Variants in FREM2 observed in about 807,000 individuals in gnomAD.
FREM2 encodes the protein FRAS1 related extracellular matrix 2, also known as FRAS1-related extracellular matrix protein 2.
Under a neutral mutation model 219.9 loss-of-function variants are expected in FREM2, and 119 were observed. The ratio of observed to expected loss-of-function variants is 0.54; its 90% confidence interval spans 0.47 to 0.63. The LOEUF is 0.63. FREM2 is among the 30% of genes least tolerant of loss of function. The pLI is 0.00. For missense variants in FREM2, 4,030 were observed against 3,993.6 expected (o/e 1.01, Z -0.25); for synonymous variants, 1,562 against 1,522.8 (o/e 1.03, Z -0.60).
At position 38,876,272 on chromosome 13, in the gene FREM2, A is replaced by G; in HGVS notation, c.8434A>G (p.Thr2812Ala). The change falls in exon 20 of 24, where the codon ACT (threonine) becomes GCT (alanine). Residue 2812 changes from threonine (T) to alanine (A), a missense_variant. Physicochemically the swap from Thr to Ala is moderately conservative, Grantham distance 58. Around this residue, in one of 2 missense-constraint regions of FREM2, gnomAD observed 928 missense variants for 1,042.9 expected, o/e 0.89. Coordinates refer to ENST00000280481, the MANE Select transcript of FREM2 (RefSeq NM_207361.6). ...GGTACGTGACTACTCAGGGACCTAT[A>G]CTGTGAAGCTGGTGCCATGCACTGC... ...FAVRDYSGTY[T>A]VKLVPCTAPS... The G allele has an allele frequency of 6.2e-7, 1 of 1,614,174 alleles. No individual in the cohort carries two copies. The highest frequency in any genetic ancestry group is 8.5e-7 in the Non-Finnish European group (1 of 1,180,016).
chr13:38,775,861 C>T (rs546064498), intron 4 of FREM2, among the ~76,000 whole-genome samples: 5 of 152,238 alleles, frequency 3.3e-5, no homozygotes, highest in Admixed American at 6.5e-5. Context: ...TCAAGTGATC[C>T]GCCTGCCTTG....
rs191513198 is a variant in FREM2 at position 38,804,715 on chromosome 13, A to G, written c.6019+19907A>G. 5.2e-4 allele frequency among the ~76,000 whole-genome samples: 79 copies of G among 152,274 alleles called. 1 individual carries two copies. In the East Asian group the frequency reaches 0.015, roughly 28 times the overall value. On this transcript the variant is annotated intron_variant, in intron 6 of 23. Coordinates refer to ENST00000280481, the MANE Select transcript of FREM2 (RefSeq NM_207361.6). Reference sequence around the variant, plus strand: ...ATGAAGCATTTAAAAGATGAAAAGGATGTAGATGAATGAAGAATAAGGCTA... The same window carrying G: ...ATGAAGCATTTAAAAGATGAAAAGGGTGTAGATGAATGAAGAATAAGGCTA...
At chr13:38,768,469 G>A (rs1186914342) in intron 3 of FREM2, among the ~76,000 whole-genome samples, 1 of 151,928 alleles carries the variant, frequency 6.6e-6, no homozygotes, top group African/African-American at 2.4e-5. Flanking sequence ...TAGAGATGGG[G>A]TTTCACCATG....
chr13:38,841,176 A>T (rs1876948427), intron 6 of FREM2, among the ~76,000 whole-genome samples: 1 of 152,206 alleles, frequency 6.6e-6, no homozygotes. Flanking sequence ...GGATGAAATA[A>T]GGTACTGAAT....
chr13:38,696,422 A>G (rs1593349013), intron 1 of FREM2, among the ~76,000 whole-genome samples: 1 of 152,196 alleles, frequency 6.6e-6, no homozygotes. Context: ...CTTCTTTATA[A>G]GCCTTTGAAT....
At chr13:38,830,187 G>A (rs1326191070) in intron 6 of FREM2, among the ~76,000 whole-genome samples, 1 of 152,142 alleles carries the variant, frequency 6.6e-6, no homozygotes, top group Non-Finnish European at 1.5e-5. Context: ...ACAAACGAAA[G>A]TGAGGAAAAT....
rs763205800 is a variant in FREM2, at chr13:38,688,117, C to G, written c.773C>G (p.Ala258Gly). 1 of 1,613,234 alleles carries G rather than the reference C, an allele frequency of 6.2e-7. No individual in the cohort carries two copies. The highest frequency in any genetic ancestry group is 1.3e-5 in the African/African-American group (1 of 74,948). The change falls in exon 1 of 24, where the codon GCT becomes GGT. Residue 258 changes from alanine to glycine, a missense_variant. By Grantham distance (60) the Ala-to-Gly change is moderately conservative. Coordinates refer to ENST00000280481, the MANE Select transcript of FREM2 (RefSeq NM_207361.6). ...APETLLMDCK[A>G]FQELGVRYRH... ...GAGACTCTCCTGATGGACTGCAAAG[C>G]TTTCCAGGAACTAGGCGTGCGCTAT...
rs748301992 is a variant in FREM2 at position 38,697,708 on chromosome 13, T to G, written c.5184T>G (p.Asp1728Glu). 1.3e-6 allele frequency: 2 copies of G among 1,589,300 alleles called. No individual in the cohort carries two copies. Among genetic ancestry groups the G allele is most frequent in the South Asian group, 2.2e-5 (2 of 90,554 alleles). The change falls in exon 2 of 24, where the codon GAT becomes GAG. Residue 1728 changes from aspartate to glutamate, a missense_variant. This residue lies in a region of FREM2 where 3,102 missense variants were observed against 2,950.7 expected (regional missense o/e 1.05). Coordinates refer to ENST00000280481, the MANE Select transcript of FREM2 (RefSeq NM_207361.6). ...SITQFTQADIDDMKICYVLRE... is the reference protein window; with the variant it reads ...SITQFTQADIEDMKICYVLRE... ...TTGGTTATTTTCTAGCTGACATTGA[T>G]GACATGAAAATATGCTATGTCTTAA...
At position 38,848,563 on chromosome 13, in the gene FREM2, C is replaced by G; in HGVS notation, c.6272C>G (p.Ala2091Gly). The change falls in exon 8 of 24, where the codon GCG (alanine) becomes GGG (glycine). Residue 2091 changes from alanine to glycine, a missense_variant. Physicochemically the swap from Ala to Gly is moderately conservative, Grantham distance 60. Coordinates refer to ENST00000280481, the MANE Select transcript of FREM2 (RefSeq NM_207361.6). The stretch of plus-strand genomic sequence containing the variant: ...ATTCTGGATGACCTTGGACAACCAG[C>G]GCTGGAGGGAATTGAGAAATTTGAA... The part of the protein sequence containing the change: ...VVILDDLGQP[A>G]LEGIEKFELV... The G allele has an allele frequency of 6.2e-7, 1 of 1,613,996 alleles. No homozygotes were observed.
chr13:38,846,659 G>A lies in FREM2; in HGVS notation c.6106G>A (p.Asp2036Asn). ...VEVQVWRTGT[D>N]LSKSSSVTVR... is the part of the protein sequence containing the mutation. ...AGTGCAGGTGTGGAGAACGGGCACTGACCTGTCCAAGTCTTCTAGTGTCAC... is the reference window on the plus strand; with the variant it reads ...AGTGCAGGTGTGGAGAACGGGCACTAACCTGTCCAAGTCTTCTAGTGTCAC... The change falls in exon 7 of 24, where the codon GAC becomes AAC. Residue 2036 changes from aspartate to asparagine, a missense_variant. Physicochemically the swap from Asp to Asn is conservative, Grantham distance 23 (BLOSUM62 1). Around this residue, in one of 2 missense-constraint regions of FREM2, gnomAD observed 3,102 missense variants for 2,950.7 expected, o/e 1.05. Coordinates refer to ENST00000280481, the MANE Select transcript of FREM2 (RefSeq NM_207361.6). The A allele has an allele frequency of 1.2e-6, 2 of 1,613,810 alleles. No homozygotes were observed. The highest frequency in any genetic ancestry group is 1.7e-6 in the Non-Finnish European group (2 of 1,179,788).
intron 6 of FREM2, among the ~76,000 whole-genome samples, chr13:38,828,389 A>G (rs1390286954): frequency 1.3e-5 from 2 of 152,126 alleles, no homozygotes; most frequent in South Asian, 4.1e-4. Context: ...TATATGTATT[A>G]TCTTACGAAG....
At chr13:38,812,805 C>T (rs890290805) in intron 6 of FREM2, among the ~76,000 whole-genome samples, 1 of 151,690 alleles carries the variant, frequency 6.6e-6, no homozygotes, top group Admixed American at 6.6e-5. Flanking sequence ...ATCGCTTGAG[C>T]CCGGGAGATT....
chr13:38,883,241 C>G lies in FREM2; in HGVS notation c.*2454C>G, dbSNP rs540633725. On this transcript the variant is annotated 3_prime_UTR_variant, in exon 24 of 24. Transcript: ENST00000280481. ...CATTATTTTTCTTAATATCTATTTA[C>G]TAAGTATGTAATTTAATATACATTA... 10 of 152,084 alleles carry G rather than the reference C, an allele frequency of 6.6e-5. No homozygotes were observed. The East Asian group carries it at 1.9e-3, about 29-fold the overall frequency. 9.4% of individuals were successfully genotyped at this position (152,084 alleles called of 1,614,324 possible).
At chr13:38,702,735 A>G (rs933693011) in intron 2 of FREM2, among the ~76,000 whole-genome samples, 1 of 152,116 alleles carries the variant, frequency 6.6e-6, no homozygotes. Context: ...TTCATTATGA[A>G]AACCAGCTTG....
chr13:38,817,765 G>A (rs370273088), intron 6 of FREM2, among the ~76,000 whole-genome samples: 2 of 152,030 alleles, frequency 1.3e-5, no homozygotes, highest in African/African-American at 4.8e-5. Flanking sequence ...AGAGAGTGAA[G>A]AGACAACCTA....
At chr13:38,843,940 A>G (rs888120161) in intron 6 of FREM2, among the ~76,000 whole-genome samples, 3 of 151,906 alleles carry the variant, frequency 2.0e-5, no homozygotes, top group African/African-American at 4.8e-5. Context: ...TCTCATAATA[A>G]TCACATCAAA....
At chr13:38,878,062 A>T in intron 21 of FREM2, 72 bp from the exon 22 acceptor site, 1 of 1,262,856 alleles carries the variant, frequency 7.9e-7, no homozygotes, top group Non-Finnish European at 1.2e-6. Context: ...TCATTGTCAT[A>T]ACCTGTTTAC....
intron 6 of FREM2, among the ~76,000 whole-genome samples, chr13:38,836,687 C>T (rs1270011560): frequency 1.3e-5 from 2 of 152,050 alleles, no homozygotes; most frequent in Non-Finnish European, 2.9e-5. Flanking sequence ...GTGTATGTGT[C>T]CAGGAATTTA....
chr13:38,765,202 G>A (rs577634758), intron 3 of FREM2, among the ~76,000 whole-genome samples: 2 of 152,136 alleles, frequency 1.3e-5, no homozygotes, highest in Non-Finnish European at 2.9e-5. Context: ...GAGCCACCGC[G>A]CCCGGCCTCA....
Sources: allele counts gnomAD v4.1 joint callset (sites outside exome capture counted in the v4.1 genomes callset), GRCh38; gene constraint gnomAD v4.1.1; regional missense constraint gnomAD v4.1.1; transcripts MANE v1.5; gene names NCBI Gene and HGNC (gene_info 2026-07-23, HGNC 2026-07-21).